FRAS1: variants seen among roughly 807,000 people sequenced by gnomAD.
The protein encoded by FRAS1 is extracellular matrix organizing protein FRAS1.
In FRAS1, 290 loss-of-function variants were observed where a neutral mutation model predicts 435.2. The observed-to-expected ratio is 0.67, with a 90% confidence interval of 0.61 to 0.73. The LOEUF (loss-of-function observed/expected upper bound fraction) is 0.73, where lower values mean the gene tolerates loss of function less well. Among genes scored for constraint, FRAS1 ranks in the 30% least tolerant of loss-of-function variants. FRAS1 has a pLI of 0.00. For synonymous variants in FRAS1, 1,800 were observed against 1,851.0 expected (o/e 0.97, Z 0.71); for missense variants, 4,860 against 5,001.5 (o/e 0.97, Z 0.85).
chr4:78,151,412 T>C (rs1054944126), intron 2 of FRAS1, among the ~76,000 whole-genome samples: 14 of 152,176 alleles, frequency 9.2e-5, no homozygotes, highest in African/African-American at 2.9e-4. Flanking sequence ...ACACAATTCC[T>C]GCCCTCAGTG....
At chr4:78,204,554 A>T (rs1023261906) in intron 2 of FRAS1, among the ~76,000 whole-genome samples, 1 of 152,208 alleles carries the variant, frequency 6.6e-6, no homozygotes, top group African/African-American at 2.4e-5. Flanking sequence ...TTTAAGGGCT[A>T]TTTGGTTCAT....
At chr4:78,444,752 G>T (rs1482255610) in intron 41 of FRAS1, among the ~76,000 whole-genome samples, 2 of 152,214 alleles carry the variant, frequency 1.3e-5, no homozygotes, top group African/African-American at 4.8e-5. Context: ...GGGTTGGGAT[G>T]AGAGGAGTAA....
At chr4:78,172,367 A>G (rs1442686120) in intron 2 of FRAS1, among the ~76,000 whole-genome samples, 2 of 152,192 alleles carry the variant, frequency 1.3e-5, no homozygotes, top group African/African-American at 4.8e-5. Context: ...CATTTTTAGA[A>G]ACATTTGCAG....
At chr4:78,343,382 A>G (rs1046058400) in intron 20 of FRAS1, among the ~76,000 whole-genome samples, 10 of 152,062 alleles carry the variant, frequency 6.6e-5, no homozygotes, top group African/African-American at 2.4e-4. Context: ...AAAATCATGA[A>G]CCTGTATGCA....
At chr4:78,459,349 CAT>C (rs1470407302) in intron 47 of FRAS1, among the ~76,000 whole-genome samples, 3 of 152,230 alleles carry the variant, frequency 2.0e-5, no homozygotes, top group Non-Finnish European at 4.4e-5. Context: ...TGTAGACAGA[CAT>C]GTGCACATGT....
intron 38 of FRAS1, among the ~76,000 whole-genome samples, chr4:78,436,054 T>C (rs1237844947): frequency 1.3e-5 from 2 of 152,164 alleles, no homozygotes; most frequent in African/African-American, 4.8e-5. Context: ...ATTAAATTTG[T>C]GCTCATCAAA....
At chr4:78,387,795 G>C in intron 29 of FRAS1, 94 bp downstream of exon 29, 1 of 833,576 alleles carries the variant, frequency 1.2e-6, no homozygotes, top group Non-Finnish European at 1.8e-6. Context: ...GTTAAGATAT[G>C]GGTAGTCATT....
intron 2 of FRAS1, among the ~76,000 whole-genome samples, chr4:78,110,405 A>G (rs1742641176): frequency 1.7e-5 from 2 of 120,698 alleles, no homozygotes; most frequent in Non-Finnish European, 3.4e-5. Flanking sequence ...AAACAGAGAT[A>G]TAGATCAATG....
chr4:78,436,840 G>A (rs1168636480), intron 38 of FRAS1, among the ~76,000 whole-genome samples: 1 of 152,118 alleles, frequency 6.6e-6, no homozygotes, highest in Non-Finnish European at 1.5e-5. Context: ...AGGGTGATGG[G>A]AGGCCCAGAG....
At chr4:78,301,295 G>C (rs1393315423) in intron 14 of FRAS1, among the ~76,000 whole-genome samples, 1 of 151,980 alleles carries the variant, frequency 6.6e-6, no homozygotes, top group East Asian at 1.9e-4. Flanking sequence ...TAGCCATACA[G>C]CTAGCCAAAT....
intron 2 of FRAS1, among the ~76,000 whole-genome samples, chr4:78,113,129 C>A (rs1335658612): frequency 1.3e-5 from 2 of 152,170 alleles, no homozygotes; most frequent in East Asian, 1.9e-4. Context: ...TTTCCAGCTT[C>A]ATCCATGTCC....
At chr4:78,239,772 C>T (rs1724924375) in intron 3 of FRAS1, among the ~76,000 whole-genome samples, 1 of 152,038 alleles carries the variant, frequency 6.6e-6, no homozygotes, top group South Asian at 2.1e-4. Flanking sequence ...AGAAGTGTGC[C>T]TGGTATGCAT....
rs779317053 is a variant in FRAS1 at position 78,441,186 on chromosome 4, C to A, written c.5554C>A (p.Leu1852Ile). Reference sequence around the variant, plus strand: ...GGTTGATGAGGGAGGGAGAGCACCACTCTCATTTCACCATTTTTTTGCTAC... The same window carrying A: ...GGTTGATGAGGGAGGGAGAGCACCAATCTCATTTCACCATTTTTTTGCTAC... The part of the protein sequence containing the change: ...ITVDEGGRAP[L>I]SFHHFFATDD... Residue 1852 changes from leucine to isoleucine, a missense_variant, in exon 41 of 74, where the codon CTC (leucine) becomes ATC (isoleucine). Physicochemically the swap from Leu to Ile is conservative, Grantham distance 5 (BLOSUM62 2). Coordinates refer to ENST00000512123, the MANE Select transcript of FRAS1 (RefSeq NM_025074.7). 1.9e-6 allele frequency: 3 copies of A among 1,613,920 alleles called. No homozygotes were observed. Among genetic ancestry groups the A allele is most frequent in the Non-Finnish European group, 2.5e-6 (3 of 1,179,824 alleles).
chr4:78,439,200 G>A, intron 40 of FRAS1, 136 bp downstream of exon 40: 1 of 709,032 alleles, frequency 1.4e-6, no homozygotes, highest in Admixed American at 2.8e-5. Context: ...ATGAAGATAT[G>A]CATGGTTTTC....
chr4:78,228,704 T>A (rs1410187138), intron 2 of FRAS1, among the ~76,000 whole-genome samples: 2 of 152,246 alleles, frequency 1.3e-5, no homozygotes, highest in Non-Finnish European at 2.9e-5. Flanking sequence ...AGGGATTTTC[T>A]ATAGCTCTAA....
intron 35 of FRAS1, 128 bp from the exon 36 acceptor site, chr4:78,428,967 A>G (rs1168151328): frequency 1.2e-6 from 1 of 864,896 alleles, no homozygotes; most frequent in African/African-American, 1.7e-5. Context: ...AGTGCAAAAA[A>G]GTTTCTAGCT....
chr4:78,438,818 G>T, intron 39 of FRAS1, 84 bp from the exon 40 acceptor site: 5 of 1,493,062 alleles, frequency 3.3e-6, no homozygotes, highest in Non-Finnish European at 4.6e-6. Context: ...TATTGGTTTG[G>T]CCCCATTTTT....
At chr4:78,148,960 A>G (rs564279785) in intron 2 of FRAS1, among the ~76,000 whole-genome samples, 4 of 152,282 alleles carry the variant, frequency 2.6e-5, no homozygotes, top group African/African-American at 9.6e-5. Context: ...AAGAAATAGT[A>G]TTTTTTTAAA....
At chr4:78,421,161 T>C (rs1260385787) in intron 33 of FRAS1, among the ~76,000 whole-genome samples, 1 of 151,970 alleles carries the variant, frequency 6.6e-6, no homozygotes, top group African/African-American at 2.4e-5. Flanking sequence ...ATATATTTAT[T>C]TTTGAGATGG....
Sources: gnomAD v4.1 joint callset for allele counts (sites outside exome capture counted in the v4.1 genomes callset) on GRCh38, gnomAD v4.1.1 for gene constraint, MANE v1.5 for transcripts, NCBI Gene and HGNC (gene_info 2026-07-23, HGNC 2026-07-21) for gene names.